Variants in FAM3B observed in about 807,000 individuals in gnomAD.
FAM3B encodes the protein FAM3 metabolism regulating signaling molecule B.
Under a neutral mutation model 28.4 loss-of-function variants are expected in FAM3B, and 29 were observed. The ratio of observed to expected loss-of-function variants is 1.02; its 90% CI spans 0.76 to 1.39. The LOEUF (loss-of-function observed/expected upper bound fraction) is 1.39. Among genes scored for constraint, FAM3B ranks in the 40% most tolerant of loss-of-function variants. The pLI is 0.00. For missense variants in FAM3B, 266 were observed against 293.9 expected (o/e 0.91, Z 0.69); for synonymous variants, 91 against 103.0 (o/e 0.88, Z 0.71).
intron 1 of FAM3B, among the ~76,000 whole-genome samples, chr21:41,309,712 C>T (rs555232608): frequency 3.9e-5 from 6 of 152,282 alleles, no homozygotes; most frequent in Non-Finnish European, 8.8e-5. Flanking sequence ...GCAGCTTTAC[C>T]GGCAGAACCA....
chr21:41,313,756 G>A (rs975031532), upstream of FAM3B, among the ~76,000 whole-genome samples: 18 of 152,040 alleles, frequency 1.2e-4, no homozygotes, highest in Admixed American at 5.2e-4. Flanking sequence ...TATGCATGTC[G>A]CATTTGAGAG....
chr21:41,315,492 G>A (rs2088742195), upstream of FAM3B, among the ~76,000 whole-genome samples: 3 of 151,640 alleles, frequency 2.0e-5, no homozygotes, highest in Admixed American at 2.0e-4. Flanking sequence ...TCTGAAGTCA[G>A]GTGAGCTAAA....
At chr21:41,354,501 A>T (rs2089147695) in intron 7 of FAM3B, among the ~76,000 whole-genome samples, 1 of 152,216 alleles carries the variant, frequency 6.6e-6, no homozygotes, top group African/African-American at 2.4e-5. Flanking sequence ...ATGCAGCCAT[A>T]AAAAAGAATG....
upstream of FAM3B, chr21:41,316,643 C>T: frequency 2.6e-6 from 1 of 377,506 alleles, no homozygotes; most frequent in East Asian, 3.9e-5. Context: ...CGCCAGCGAC[C>T]TCAGAGCTCC....
intron 2 of FAM3B, among the ~76,000 whole-genome samples, chr21:41,333,078 T>C (rs540588249): frequency 1.1e-4 from 16 of 152,084 alleles, no homozygotes; most frequent in African/African-American, 3.9e-4. Flanking sequence ...CATAAACTCC[T>C]CTGTTAGAAC....
rs1443716996 is a variant in FAM3B, at chr21:41,323,041, C to T, written c.138C>T (p.Ser46=). 1.2e-6 allele frequency: 2 copies of T among 1,606,954 alleles called. No homozygotes were observed. The highest frequency in any genetic ancestry group is 2.7e-5 in the African/African-American group (2 of 74,944). Residue 46 remains serine (S), a synonymous_variant, in exon 2 of 8, where the codon AGC becomes AGT. Transcript: ENST00000357985. The part of the protein sequence containing the change: ...PLSSAAYSIR[S]IGERPVLKAP... ...CCAGTGCTGCCTATAGCATCCGCAG[C>T]ATCGGGGAGAGGCCTGTCCTCAAAG...
chr21:41,344,813 C>T (rs112399725), intron 4 of FAM3B, among the ~76,000 whole-genome samples: 309 of 152,202 alleles, frequency 2.0e-3, no homozygotes, highest in Middle Eastern at 3.4e-3. Flanking sequence ...CCAGAAGGGC[C>T]GCCAAGGGGG....
chr21:41,309,031 G>T (rs112075738), intron 1 of FAM3B, among the ~76,000 whole-genome samples: 6,946 of 152,202 alleles, frequency 0.046, 197 homozygotes, highest in Middle Eastern at 0.068. Flanking sequence ...AGACTCTGAT[G>T]CAGGGTCTCA....
At position 41,332,864 on chromosome 21, in the gene FAM3B, T is replaced by C. The variant is rs2088918618; in HGVS notation, c.164-5514T>C. On this transcript the variant is annotated intron_variant, in intron 2 of 7. Transcript: ENST00000357985. ...AGTCTAGCTAAGAGTTTGTCAATTT[T>C]ATCTCTTTTCAAAAAACCAAGTCTG... 2.7e-5 allele frequency among the ~76,000 whole-genome samples: 4 copies of C among 146,832 alleles called. No homozygotes were observed. In the South Asian group the frequency reaches 8.4e-4, roughly 31 times the overall value.
At chr21:41,311,251 A>AAAAAAAAAAAAAAAAAAATATATAT (rs1555866518) in intron 1 of FAM3B, among the ~76,000 whole-genome samples, 1 of 35,078 alleles carries the variant, frequency 2.9e-5, no homozygotes. Flanking sequence ...AAAAAAAAAA[A>AAAAAAAAAAAAAAAAAAATATATAT]ATATATATAT....
chr21:41,320,801 C>T (rs896744672), intron 1 of FAM3B: 3 of 152,320 alleles, frequency 2.0e-5, no homozygotes, highest in Admixed American at 6.6e-5. Context: ...TGAAAAGTGT[C>T]CCGGAAGAGA....
upstream of FAM3B, chr21:41,316,630 C>T (rs116436208): frequency 1.1e-5 from 4 of 371,016 alleles, no homozygotes; most frequent in African/African-American, 8.5e-5. Flanking sequence ...CGGGTCCACC[C>T]TCCGCCAGCG....
At chr21:41,336,788 T>C (rs2088959795) in intron 2 of FAM3B, among the ~76,000 whole-genome samples, 1 of 152,264 alleles carries the variant, frequency 6.6e-6, no homozygotes, top group Non-Finnish European at 1.5e-5. Flanking sequence ...ACAATTGTTA[T>C]GTCTTCTTGA....
intron 3 of FAM3B, among the ~76,000 whole-genome samples, chr21:41,341,193 T>C (rs1267638149): frequency 6.6e-6 from 1 of 152,052 alleles, no homozygotes; most frequent in Non-Finnish European, 1.5e-5. Flanking sequence ...TCATTTCTTT[T>C]ATTGATATGT....
At chr21:41,318,549 G>T (rs919457414) in intron 1 of FAM3B, among the ~76,000 whole-genome samples, 1 of 152,232 alleles carries the variant, frequency 6.6e-6, no homozygotes, top group Non-Finnish European at 1.5e-5. Context: ...AGTGATGACA[G>T]TGGACACTGA....
At chr21:41,324,995 G>A (rs371591542) in intron 2 of FAM3B, among the ~76,000 whole-genome samples, 5 of 152,116 alleles carry the variant, frequency 3.3e-5, no homozygotes, top group African/African-American at 4.8e-5. Context: ...CCAGCTACTC[G>A]GGAGGCTGAG....
At chr21:41,330,417 G>A (rs1340128862) in intron 2 of FAM3B, among the ~76,000 whole-genome samples, 4 of 152,174 alleles carry the variant, frequency 2.6e-5, no homozygotes, top group Non-Finnish European at 5.9e-5. Context: ...ACTATTTGTG[G>A]CTTCATGCAT....
chr21:41,355,543 A>G (rs968410145), intron 7 of FAM3B, among the ~76,000 whole-genome samples: 42 of 138,828 alleles, frequency 3.0e-4, no homozygotes, highest in African/African-American at 9.9e-4. Context: ...TGAACCTTGA[A>G]AACAGGCTAA....
intron 3 of FAM3B, among the ~76,000 whole-genome samples, chr21:41,339,632 A>G (rs1044343268): frequency 4.6e-5 from 7 of 152,234 alleles, no homozygotes; most frequent in African/African-American, 1.2e-4. Context: ...CTTGGTTCCT[A>G]GTACTATTAA....
Sources: gnomAD v4.1 joint callset for allele counts (sites outside exome capture counted in the v4.1 genomes callset) on GRCh38, gnomAD v4.1.1 for gene constraint, MANE v1.5 for transcripts, NCBI Gene and HGNC (gene_info 2026-07-23, HGNC 2026-07-21) for gene names.